Variants in AK9 observed in about 807,000 individuals in gnomAD.
AK9 encodes adenylate kinase 9.
A neutral mutation model predicts 239.6 loss-of-function variants in AK9; 191 were observed. The ratio of observed to expected loss-of-function variants is 0.80; its 90% confidence interval spans 0.71 to 0.90. AK9 has a LOEUF of 0.90. Ranked by LOEUF, AK9 falls within the 40% of genes least tolerant of loss-of-function variation. The pLI, the probability that AK9 is intolerant of heterozygous loss-of-function variation, is 0.00. For missense variants in AK9, 1,995 were observed against 2,214.7 expected (o/e 0.90, Z 1.99); for synonymous variants, 689 against 721.0 (o/e 0.96, Z 0.71).
chr6:109,639,269 CG>C (rs1170174326), intron 10 of AK9, among the ~76,000 whole-genome samples: 1 of 152,206 alleles, frequency 6.6e-6, no homozygotes, highest in East Asian at 1.9e-4. Context: ...CTCCCACCAA[CG>C]GTGTAAAAGT....
intron 17 of AK9, among the ~76,000 whole-genome samples, chr6:109,599,690 A>C (rs1791625710): frequency 1.3e-5 from 2 of 152,144 alleles, no homozygotes; most frequent in Admixed American, 6.5e-5. Context: ...CACGATATTG[A>C]TTCTTCCTAT....
chr6:109,558,624 C>G (rs1785311031), intron 24 of AK9, among the ~76,000 whole-genome samples: 1 of 152,120 alleles, frequency 6.6e-6, no homozygotes, highest in Non-Finnish European at 1.5e-5. Context: ...ATAGCTATAA[C>G]TTTATAATTA....
At position 109,506,695 on chromosome 6, in the gene AK9, C is replaced by G; in HGVS notation, c.4587G>C (p.Glu1529Asp). Residue 1529 changes from glutamate (E) to aspartate (D), a missense_variant, in exon 34 of 41, where the codon GAG becomes GAC. Transcript: ENST00000424296. ...TTTCTAGGAGCAATCTTTTGAAAAT[C>G]TCCTTGGAAGGCACACTCAATTCAA... ...VIFELSVPSK[E>D]IFKRLLLEKE... 6.5e-7 allele frequency: 1 copy of G among 1,536,138 alleles called. No homozygotes were observed.
chr6:109,650,286 G>T (rs899974446), intron 8 of AK9, among the ~76,000 whole-genome samples: 9 of 151,860 alleles, frequency 5.9e-5, no homozygotes, highest in Non-Finnish European at 1.3e-4. Flanking sequence ...ACTACCATCA[G>T]AGTGAACAGG....
At chr6:109,506,624 C>T in intron 34 of AK9, 30 bp downstream of exon 34, 1 of 1,532,448 alleles carries the variant, frequency 6.5e-7, no homozygotes, top group East Asian at 2.5e-5. Flanking sequence ...AAGTTTATTC[C>T]TTTTTTGTTG....
rs1795817695 is a variant in AK9, at chr6:109,628,810, T to C, written c.1254+4113A>G. On this transcript the variant is annotated intron_variant, in intron 12 of 40. Transcript: ENST00000424296. ...TGTTGTCTATTTTCCTAGCATTGCCTATCTTTATCCTTTTGATCTGTAGGC... is the reference window on the plus strand; with the variant it reads ...TGTTGTCTATTTTCCTAGCATTGCCCATCTTTATCCTTTTGATCTGTAGGC... Among the ~76,000 whole-genome samples the C allele has an allele frequency of 2.0e-5, 3 of 152,180 alleles. No homozygotes were observed. The South Asian group carries it at 6.2e-4, about 32-fold the overall frequency.
chr6:109,620,976 C>A (rs1794740259), intron 12 of AK9, among the ~76,000 whole-genome samples: 1 of 151,840 alleles, frequency 6.6e-6, no homozygotes, highest in African/African-American at 2.4e-5. Flanking sequence ...TTTGAACTGT[C>A]AATTCTGTTT....
rs1793854737 is a variant in AK9, at chr6:109,613,856, TG to T, written c.1609+326del. Reference sequence around the variant, plus strand: ...CACAGCTAAAATTGTGGCCTTAAGATGCTCTGATTCCAATACGTTAAAGTAG... The same window carrying T: ...CACAGCTAAAATTGTGGCCTTAAGATCTCTGATTCCAATACGTTAAAGTAG... On this transcript the variant is annotated intron_variant, in intron 15 of 40. Coordinates refer to ENST00000424296, the MANE Select transcript of AK9 (RefSeq NM_001145128.3). Among the ~76,000 whole-genome samples, 3 of 152,062 alleles carry T rather than the reference TG, an allele frequency of 2.0e-5. No homozygotes were observed. The South Asian group carries it at 6.2e-4, about 31-fold the overall frequency.
rs1582790164 is a variant in AK9, at chr6:109,514,356, A to C, written c.4147T>G (p.Phe1383Val). The C allele has an allele frequency of 6.4e-7, 1 of 1,551,262 alleles. No individual in the cohort carries two copies. The highest frequency in any genetic ancestry group is 2.4e-5 in the East Asian group (1 of 40,906). The change falls in exon 32 of 41, where the codon TTT becomes GTT. Residue 1383 changes from phenylalanine (F) to valine (V), a missense_variant. This residue lies in a region of AK9 where 1,290 missense variants were observed against 1,392.7 expected (regional missense o/e 0.93). Coordinates refer to ENST00000424296, the MANE Select transcript of AK9 (RefSeq NM_001145128.3). Reference sequence around the variant, plus strand: ...TCTTTTGTTTCTTTACTAGATAAAAAATAAATATACTGACGATGGATTACA... The same window carrying C: ...TCTTTTGTTTCTTTACTAGATAAAACATAAATATACTGACGATGGATTACA... ...YPVIHRQYIY[F>V]LSSKETKEKF...
rs1028664371 is a variant in AK9 at position 109,517,751 on chromosome 6, C to T, written c.3634-1109G>A. ...CCTATCTGAGAAAACGAGAATAATA[C>T]ATTAATGATTATTAAAGACCATGAC... On this transcript the variant is annotated intron_variant, in intron 29 of 40. Coordinates refer to ENST00000424296, the MANE Select transcript of AK9 (RefSeq NM_001145128.3). Among the ~76,000 whole-genome samples the T allele has an allele frequency of 7.9e-5, 12 of 152,268 alleles. No individual in the cohort carries two copies. In the South Asian group the frequency reaches 2.5e-3, roughly 32 times the overall value.
intron 17 of AK9, among the ~76,000 whole-genome samples, chr6:109,601,969 G>C (rs758953759): frequency 5.9e-5 from 9 of 152,006 alleles, no homozygotes; most frequent in Non-Finnish European, 7.4e-5. Flanking sequence ...TTATGTGTGT[G>C]TCTGCACGTG....
chr6:109,525,185 C>T, intron 29 of AK9, among the ~76,000 whole-genome samples: 1 of 152,140 alleles, frequency 6.6e-6, no homozygotes. Context: ...AGGTGTGCAG[C>T]TTTATTTCTG....
chr6:109,564,405 C>T, intron 22 of AK9, 125 bp from the exon 23 acceptor site: 1 of 647,148 alleles, frequency 1.5e-6, no homozygotes, highest in Non-Finnish European at 2.5e-6. Context: ...TTCTAAGCAA[C>T]AATATACATT....
chr6:109,583,944 A>G (rs1415413189), intron 19 of AK9, among the ~76,000 whole-genome samples: 7 of 152,168 alleles, frequency 4.6e-5, no homozygotes, highest in Admixed American at 4.6e-4. Context: ...AATTATCAAC[A>G]GATTATAGCT....
chr6:109,685,793 CT>C (rs1447881429), intron 1 of AK9, among the ~76,000 whole-genome samples: 2 of 152,166 alleles, frequency 1.3e-5, no homozygotes, highest in Admixed American at 6.5e-5. Flanking sequence ...TCCTCCACCC[CT>C]GGGCAAGATA....
At chr6:109,517,467 G>T (rs2128118106) in intron 29 of AK9, among the ~76,000 whole-genome samples, 1 of 152,276 alleles carries the variant, frequency 6.6e-6, no homozygotes, top group African/African-American at 2.4e-5. Flanking sequence ...AATATTTAAT[G>T]CAGTTCAAAG....
chr6:109,609,103 AG>A (rs2128237734), intron 17 of AK9, among the ~76,000 whole-genome samples: 1 of 152,380 alleles, frequency 6.6e-6, no homozygotes, highest in South Asian at 2.1e-4. Context: ...CCAGAGCTAC[AG>A]TTTACCATCT....
intron 21 of AK9, among the ~76,000 whole-genome samples, chr6:109,571,262 C>T (rs9374105): frequency 0.21 from 31,566 of 152,016 alleles, 3,457 homozygotes; most frequent in South Asian, 0.34. Flanking sequence ...AAATCCACAG[C>T]CTGTTCTAGT....
At chr6:109,616,391 A>AT (rs377497094) in intron 13 of AK9, among the ~76,000 whole-genome samples, 3 of 149,912 alleles carry the variant, frequency 2.0e-5, no homozygotes, top group African/African-American at 4.9e-5. Context: ...GATAATTTTC[A>AT]TTTTTTTTTC....
Sources: gnomAD v4.1 joint callset for allele counts (sites outside exome capture counted in the v4.1 genomes callset) on GRCh38, gnomAD v4.1.1 for gene constraint, gnomAD v4.1.1 regional missense constraint, MANE v1.5 for transcripts, NCBI Gene and HGNC (gene_info 2026-07-23, HGNC 2026-07-21) for gene names.